PARD3B: variants seen among roughly 807,000 people sequenced by gnomAD.
The protein encoded by PARD3B is par-3 family cell polarity regulator beta.
Under a neutral mutation model 130.2 loss-of-function variants are expected in PARD3B, and 103 were observed. That is an observed-to-expected ratio of 0.79 (90% CI 0.67 to 0.93). PARD3B has a LOEUF of 0.93. Among genes scored for constraint, PARD3B ranks in the 40% least tolerant of loss-of-function variants. The pLI is 0.00. For missense variants in PARD3B, 1,609 were observed against 1,499.2 expected (o/e 1.07, Z -1.21); for synonymous variants, 583 against 553.2 (o/e 1.05, Z -0.76).
chr2:204,631,623 G>A (rs1430554362), intron 1 of PARD3B, among the ~76,000 whole-genome samples: 5 of 152,156 alleles, frequency 3.3e-5, no homozygotes, highest in Non-Finnish European at 5.9e-5. Context: ...TTTAAGGTTA[G>A]TATTGTTATC....
chr2:204,914,642 C>T (rs1297295725), intron 2 of PARD3B, among the ~76,000 whole-genome samples: 3 of 152,148 alleles, frequency 2.0e-5, no homozygotes, highest in African/African-American at 7.2e-5. Flanking sequence ...TAAGAAACCT[C>T]CTGTGGACCC....
chr2:205,428,299 G>A (rs2047214773), intron 19 of PARD3B, among the ~76,000 whole-genome samples: 1 of 152,214 alleles, frequency 6.6e-6, no homozygotes, highest in South Asian at 2.1e-4. Flanking sequence ...AGGATTGCTT[G>A]AGCCCAGGAG....
intron 3 of PARD3B, among the ~76,000 whole-genome samples, chr2:205,045,058 C>T (rs1005562134): frequency 4.0e-5 from 6 of 149,212 alleles, no homozygotes; most frequent in East Asian, 3.9e-4. Flanking sequence ...ACAGAAAAGC[C>T]GAGAAGAAGA....
intron 16 of PARD3B, among the ~76,000 whole-genome samples, chr2:205,284,268 C>T (rs1028453765): frequency 1.3e-5 from 2 of 152,148 alleles, no homozygotes; most frequent in Admixed American, 6.5e-5. Flanking sequence ...GATTTGCACA[C>T]GGTGACTGAT....
intron 16 of PARD3B, among the ~76,000 whole-genome samples, chr2:205,249,454 T>C (rs1212027811): frequency 2.6e-5 from 4 of 152,128 alleles, no homozygotes; most frequent in African/African-American, 9.7e-5. Flanking sequence ...CTTGGGTACC[T>C]CCCAAATTTG....
intron 4 of PARD3B, among the ~76,000 whole-genome samples, chr2:205,087,820 A>G (rs1187323729): frequency 6.7e-6 from 1 of 148,362 alleles, no homozygotes; most frequent in Non-Finnish European, 1.5e-5. Context: ...AAACAGCTCT[A>G]CCAGGCTTGA....
chr2:204,808,910 T>C (rs1252443428), intron 2 of PARD3B, among the ~76,000 whole-genome samples: 1 of 151,850 alleles, frequency 6.6e-6, no homozygotes, highest in Non-Finnish European at 1.5e-5. Context: ...ATCACCACAC[T>C]GCTTTTCATT....
intron 2 of PARD3B, among the ~76,000 whole-genome samples, chr2:204,922,883 C>G (rs141085192): frequency 6.6e-6 from 1 of 152,060 alleles, no homozygotes; most frequent in Non-Finnish European, 1.5e-5. Flanking sequence ...GGGTATCACA[C>G]AGGCAGCATT....
At position 205,183,773 on chromosome 2, in the gene PARD3B, T is replaced by A. The variant is rs966761135; in HGVS notation, c.1925-1991T>A. 4.1e-5 allele frequency among the ~76,000 whole-genome samples: 6 copies of A among 147,234 alleles called. No homozygotes were observed. The East Asian group carries it at 6.0e-4, about 15-fold the overall frequency. On this transcript the variant is annotated intron_variant, in intron 13 of 22. Transcript: ENST00000406610. This position sits in a 1 kb window ranked among gnomAD's most constrained non-coding sequence, Gnocchi z 5.2. ...GTGTGTGTGTGTGTGTGTGTGTGTG[T>A]GAACAGATTTATGATAAGGAATTGG... is the stretch of plus-strand genomic sequence containing the variant.
chr2:204,704,876 T>C (rs544955408), intron 2 of PARD3B, among the ~76,000 whole-genome samples: 4 of 150,894 alleles, frequency 2.7e-5, no homozygotes, highest in Non-Finnish European at 4.4e-5. Flanking sequence ...GTCAAAACAT[T>C]ATAAAATTTT....
intron 3 of PARD3B, among the ~76,000 whole-genome samples, chr2:205,023,222 C>T (rs1030280077): frequency 3.9e-5 from 6 of 152,162 alleles, no homozygotes; most frequent in Admixed American, 2.0e-4. Flanking sequence ...GGTGATCCCA[C>T]TGGGCAGGAT....
chr2:204,871,232 C>A (rs1313907312), intron 2 of PARD3B, among the ~76,000 whole-genome samples: 1 of 152,112 alleles, frequency 6.6e-6, no homozygotes, highest in African/African-American at 2.4e-5. Context: ...GTAGACTGTT[C>A]ATGAATTGTA....
At chr2:205,334,467 C>T (rs1020841615) in intron 18 of PARD3B, among the ~76,000 whole-genome samples, 5 of 152,124 alleles carry the variant, frequency 3.3e-5, no homozygotes, top group African/African-American at 1.2e-4. Flanking sequence ...AGAACAAATG[C>T]ATGCTATGAA....
chr2:204,844,697 A>G (rs1010354744), intron 2 of PARD3B, among the ~76,000 whole-genome samples: 1 of 152,212 alleles, frequency 6.6e-6, no homozygotes, highest in African/African-American at 2.4e-5. Flanking sequence ...GCATTGCTCC[A>G]GCTGAGTTAC....
chr2:204,644,661 G>C (rs908556950), intron 1 of PARD3B, among the ~76,000 whole-genome samples: 1 of 152,036 alleles, frequency 6.6e-6, no homozygotes, highest in African/African-American at 2.4e-5. Context: ...AAGAAAATGT[G>C]TGTGGGGTCC....
intron 15 of PARD3B, among the ~76,000 whole-genome samples, chr2:205,228,907 C>A (rs2038698590): frequency 6.6e-6 from 1 of 152,190 alleles, no homozygotes; most frequent in Non-Finnish European, 1.5e-5. Flanking sequence ...GCATTCTACA[C>A]TATGTCAATT....
chr2:205,315,900 G>A (rs1195004536), intron 18 of PARD3B, among the ~76,000 whole-genome samples: 1 of 152,062 alleles, frequency 6.6e-6, no homozygotes, highest in Admixed American at 6.6e-5. Context: ...CTTACAGTCT[G>A]AGTTTTTCCA....
At chr2:204,662,241 T>C (rs1218001702) in intron 1 of PARD3B, among the ~76,000 whole-genome samples, 1 of 152,170 alleles carries the variant, frequency 6.6e-6, no homozygotes, top group Admixed American at 6.5e-5. Flanking sequence ...TTTATTAATA[T>C]TACCACTGAT....
chr2:204,923,149 A>G (rs1453149076), intron 2 of PARD3B, among the ~76,000 whole-genome samples: 1 of 152,124 alleles, frequency 6.6e-6, no homozygotes, highest in African/African-American at 2.4e-5. Flanking sequence ...TATTAATTAT[A>G]TCAAGTGCTG....
Sources: allele counts gnomAD v4.1 joint callset (sites outside exome capture counted in the v4.1 genomes callset), GRCh38; gene constraint gnomAD v4.1.1; non-coding constraint Gnocchi (gnomAD v3.1); transcripts MANE v1.5; gene names NCBI Gene and HGNC (gene_info 2026-07-23, HGNC 2026-07-21).